SUPT3H: variants seen among roughly 807,000 people sequenced by gnomAD.
SUPT3H encodes SPT3 homolog, SAGA and STAGA complex component.
A neutral mutation model predicts 44.3 loss-of-function variants in SUPT3H; 44 were observed. The observed-to-expected ratio is 0.99, with a 90% CI of 0.78 to 1.28. The LOEUF is 1.28. Among genes scored for constraint, SUPT3H ranks in the 50% most tolerant of loss-of-function variants. The pLI, the probability that SUPT3H is intolerant of heterozygous loss-of-function variation, is 0.00. For synonymous variants in SUPT3H, 124 were observed against 125.6 expected (o/e 0.99, Z 0.09); for missense variants, 380 against 387.1 (o/e 0.98, Z 0.15).
intron 10 of SUPT3H, among the ~76,000 whole-genome samples, chr6:44,909,242 C>T (rs1461284960): frequency 1.3e-5 from 2 of 151,508 alleles, no homozygotes; most frequent in Non-Finnish European, 2.9e-5. Context: ...GGGTGTATTT[C>T]TGATCTTTCT....
intron 2 of SUPT3H, among the ~76,000 whole-genome samples, chr6:45,170,230 G>GA (rs917805748): frequency 1.3e-5 from 2 of 152,152 alleles, no homozygotes; most frequent in African/African-American, 4.8e-5. Flanking sequence ...GACAGAACAA[G>GA]AAAAAATCAT....
intron 3 of SUPT3H, among the ~76,000 whole-genome samples, chr6:45,038,051 G>T (rs910670606): frequency 2.0e-5 from 3 of 152,048 alleles, no homozygotes; most frequent in Non-Finnish European, 4.4e-5. Context: ...GAAATTATAC[G>T]TAAAATGTTG....
At chr6:45,308,206 T>A (rs1783387183) in intron 2 of SUPT3H, among the ~76,000 whole-genome samples, 1 of 151,432 alleles carries the variant, frequency 6.6e-6, no homozygotes. Flanking sequence ...TTCCCCAATC[T>A]AGCAAGGCAG....
At chr6:45,286,315 C>T (rs1415972963) in intron 2 of SUPT3H, among the ~76,000 whole-genome samples, 1 of 152,064 alleles carries the variant, frequency 6.6e-6, no homozygotes, top group South Asian at 2.1e-4. Context: ...AGGCAACCTA[C>T]AGAATGGGAA....
chr6:45,113,128 A>G (rs554800060), intron 2 of SUPT3H, among the ~76,000 whole-genome samples: 18 of 150,588 alleles, frequency 1.2e-4, no homozygotes, highest in African/African-American at 4.4e-4. Context: ...CGTTCAAAGC[A>G]TTTTTTGATT....
intron 10 of SUPT3H, among the ~76,000 whole-genome samples, chr6:44,847,958 C>CTTTTTTTTTTTTTTTTT (rs969869912): frequency 3.4e-5 from 2 of 58,350 alleles, no homozygotes; most frequent in African/African-American, 1.4e-4. Flanking sequence ...ATCTCTGTGT[C>CTTTTTTTTTTTTTTTTT]TTTTTTTTTT....
chr6:45,256,001 C>T (rs1019263563), intron 2 of SUPT3H, among the ~76,000 whole-genome samples: 8 of 152,090 alleles, frequency 5.3e-5, no homozygotes, highest in Non-Finnish European at 1.2e-4. Context: ...GAAACCCCGT[C>T]TCTACTAAAG....
chr6:45,053,036 T>C (rs2183294), intron 3 of SUPT3H, among the ~76,000 whole-genome samples: 152,089 of 152,094 alleles, frequency 1, 76,042 homozygotes, highest in Non-Finnish European at 1. Context: ...TTCTTGTTTT[T>C]GGTGGTTTTG....
chr6:45,250,596 AG>A (rs1772194746), intron 2 of SUPT3H, among the ~76,000 whole-genome samples: 1 of 152,112 alleles, frequency 6.6e-6, no homozygotes, highest in Non-Finnish European at 1.5e-5. Context: ...GAAAGCTGAA[AG>A]ATGGAAAAAC....
chr6:45,176,586 A>G (rs1255256986), intron 2 of SUPT3H, among the ~76,000 whole-genome samples: 4 of 152,020 alleles, frequency 2.6e-5, no homozygotes, highest in African/African-American at 4.8e-5. Context: ...GCTCAAGGAG[A>G]CCTGCCTGCC....
chr6:44,855,925 G>T (rs1357498668), intron 10 of SUPT3H, among the ~76,000 whole-genome samples: 3 of 152,132 alleles, frequency 2.0e-5, no homozygotes, highest in African/African-American at 4.8e-5. Flanking sequence ...ACAATCTCCA[G>T]TCTCCAGGGA....
chr6:45,095,197 TC>T lies in SUPT3H; in HGVS notation c.186+10724del, dbSNP rs1305855547. 2.0e-5 allele frequency among the ~76,000 whole-genome samples: 3 copies of T among 152,170 alleles called. No homozygotes were observed. The highest frequency in any genetic ancestry group is 4.4e-5 in the Non-Finnish European group (3 of 68,006). ...TGTTTCCATCCTATGATTCATTAGG[TC>T]CCCATGGTACCTCTGCTTCCTTTAT... On this transcript the variant is annotated intron_variant, in intron 3 of 10. Coordinates refer to ENST00000371459, the MANE Select transcript of SUPT3H (RefSeq NM_003599.4). The surrounding 1 kb of genome is among the most constrained non-coding windows in gnomAD (Gnocchi z 4.1).
intron 3 of SUPT3H, among the ~76,000 whole-genome samples, chr6:45,021,935 G>T (rs1037354486): frequency 6.6e-6 from 1 of 151,486 alleles, no homozygotes; most frequent in Non-Finnish European, 1.5e-5. Flanking sequence ...AAATCTTGGT[G>T]GGGGGGTAGG....
At chr6:45,191,078 T>C (rs1220308476) in intron 2 of SUPT3H, among the ~76,000 whole-genome samples, 1 of 152,094 alleles carries the variant, frequency 6.6e-6, no homozygotes, top group African/African-American at 2.4e-5. Context: ...ACTCAAAGGT[T>C]TGAGTAAAAA....
At position 44,828,584 on chromosome 6, in the gene SUPT3H, G is replaced by C. The variant is rs1002305833; in HGVS notation, c.*1232C>G. On this transcript the variant is annotated 3_prime_UTR_variant, in exon 11 of 11. Coordinates refer to ENST00000371459, the MANE Select transcript of SUPT3H (RefSeq NM_003599.4). ...AAGCTAATGACATAACCTCTAAATG[G>C]CATGTTCAGAAAGTTTTATACTTCC... The C allele has an allele frequency of 2.6e-5, 4 of 152,082 alleles. No individual in the cohort carries two copies. Among genetic ancestry groups the C allele is most frequent in the African/African-American group, 9.7e-5 (4 of 41,420 alleles). 9.4% of individuals were successfully genotyped at this position (152,082 alleles called of 1,614,324 possible). A position where few individuals can be genotyped will look rare whatever the true frequency, so the allele number is the denominator to read the frequency against.
intron 10 of SUPT3H, among the ~76,000 whole-genome samples, chr6:44,871,081 G>A (rs1259945141): frequency 2.3e-3 from 344 of 150,502 alleles, no homozygotes; most frequent in African/African-American, 7.6e-3. Context: ...AGGGGCGCCC[G>A]CCATTGCCCA....
intron 2 of SUPT3H, among the ~76,000 whole-genome samples, chr6:45,247,013 A>G (rs1056106919): frequency 3.3e-5 from 5 of 152,212 alleles, no homozygotes; most frequent in African/African-American, 1.2e-4. Context: ...AAAATCAATA[A>G]AAGTAGAAAC....
chr6:44,952,745 T>A (rs1224030707), intron 9 of SUPT3H, among the ~76,000 whole-genome samples: 1 of 152,216 alleles, frequency 6.6e-6, no homozygotes, highest in Non-Finnish European at 1.5e-5. Flanking sequence ...ACAGTTATTA[T>A]ACAGAGCCTT....
chr6:45,083,326 G>T (rs889911098), intron 3 of SUPT3H, among the ~76,000 whole-genome samples: 2 of 151,820 alleles, frequency 1.3e-5, no homozygotes, highest in South Asian at 2.1e-4. Flanking sequence ...TGAGTAGCTG[G>T]GATTATAGGC....
Sources: gnomAD v4.1 joint callset for allele counts (sites outside exome capture counted in the v4.1 genomes callset) on GRCh38, gnomAD v4.1.1 for gene constraint, Gnocchi (gnomAD v3.1) non-coding constraint, MANE v1.5 for transcripts, NCBI Gene and HGNC (gene_info 2026-07-23, HGNC 2026-07-21) for gene names.